The following BPIFB2 variants were observed in gnomAD, a reference collection of about 807,000 sequenced individuals.
The protein encoded by BPIFB2 is BPI fold-containing family B member 2.
BPIFB2 carries 39 observed loss-of-function variants against 50.1 expected under a neutral mutation model. The ratio of observed to expected loss-of-function variants is 0.78; its 90% CI spans 0.60 to 1.02. The LOEUF is 1.02. Among genes scored for constraint, BPIFB2 ranks in the 50% least tolerant of loss-of-function variants. The pLI is 0.00. For missense variants in BPIFB2, 574 were observed against 585.8 expected (o/e 0.98, Z 0.21); for synonymous variants, 280 against 256.3 (o/e 1.09, Z -0.88).
At position 33,021,468 on chromosome 20, in the gene BPIFB2, A is replaced by G. The variant is rs926391987; in HGVS notation, c.1258+124A>G. 10 of 1,139,296 alleles carry G rather than the reference A, an allele frequency of 8.8e-6. No individual in the cohort carries two copies. In the African/African-American group the frequency reaches 1.5e-4, roughly 18 times the overall value. 70.6% of individuals were successfully genotyped at this position (1,139,296 alleles called of 1,614,324 possible). ...TCACAGGGTGAGAGGGGGCCTCTGG[A>G]GTCTAGCAGCCCATGTGTGCATGCC... is the stretch of plus-strand genomic sequence containing the variant. On this transcript the variant is annotated intron_variant, in intron 14 of 15. Coordinates refer to ENST00000170150, the MANE Select transcript of BPIFB2 (RefSeq NM_025227.3).
At chr20:33,014,208 G>A (rs533602730) in intron 5 of BPIFB2, among the ~76,000 whole-genome samples, 33 of 152,258 alleles carry the variant, frequency 2.2e-4, no homozygotes, top group Non-Finnish European at 1.5e-4. Flanking sequence ...ATACACACTA[G>A]CTATTAGCAC....
chr20:33,018,448 A>G, intron 8 of BPIFB2, 98 bp downstream of exon 8: 1 of 1,336,632 alleles, frequency 7.5e-7, no homozygotes, highest in East Asian at 2.3e-5. Context: ...GTGGGAAAGG[A>G]GAGGAGGAGC....
At position 33,018,723 on chromosome 20, in the gene BPIFB2, C is replaced by T. The variant is rs1314202455; in HGVS notation, c.756C>T (p.Gly252=). Residue 252 remains glycine, a synonymous_variant, in exon 9 of 16, where the codon GGC becomes GGT. Transcript: ENST00000170150. ...FVLPRHVGTE[G]SMATVGLSQQ... ...TGCCAAGGCATGTGGGTACCGAGGGCTCCATGGCCACCGTGGGCCTCTCCC... is the reference window on the plus strand; with the variant it reads ...TGCCAAGGCATGTGGGTACCGAGGGTTCCATGGCCACCGTGGGCCTCTCCC... 1 of 1,614,234 alleles carries T rather than the reference C, an allele frequency of 6.2e-7. No individual in the cohort carries two copies. The highest frequency in any genetic ancestry group is 1.3e-5 in the African/African-American group (1 of 75,070).
Position 33,009,335 on chromosome 20 carries a change from A to T in BPIFB2, c.109+652A>T, listed in dbSNP as rs1157952830. On this transcript the variant is annotated intron_variant, in intron 2 of 15. Transcript: ENST00000170150. This position sits in a 1 kb window ranked among gnomAD's most constrained non-coding sequence, Gnocchi z 4.2. ...TAAGGAGGGCACAATGAAGAAACTTAGCCCCAGGGAGGGACAGACATTGCC... is the reference window on the plus strand; with the variant it reads ...TAAGGAGGGCACAATGAAGAAACTTTGCCCCAGGGAGGGACAGACATTGCC... Among the ~76,000 whole-genome samples, 3 of 152,186 alleles carry T rather than the reference A, an allele frequency of 2.0e-5. No individual in the cohort carries two copies. The highest frequency in any genetic ancestry group is 2.0e-4 in the Admixed American group (3 of 15,284).
intron 8 of BPIFB2, 103 bp from the exon 9 acceptor site, chr20:33,018,534 G>A: frequency 7.2e-7 from 1 of 1,387,494 alleles, no homozygotes; most frequent in East Asian, 2.3e-5. Flanking sequence ...TGCAGGGGCT[G>A]GGGGGCAGGG....
intron 1 of BPIFB2, 66 bp from the exon 2 acceptor site, chr20:33,008,475 T>G: frequency 1.1e-6 from 1 of 884,134 alleles, no homozygotes; most frequent in Non-Finnish European, 1.7e-6. Flanking sequence ...CAGGCTGGAG[T>G]GGGGTTCGGG....
intron 15 of BPIFB2, among the ~76,000 whole-genome samples, 174 bp downstream of exon 15, chr20:33,021,973 C>G (rs1978690195): frequency 1.3e-5 from 2 of 152,104 alleles, no homozygotes; most frequent in African/African-American, 4.8e-5. Context: ...AAGGTTTCAC[C>G]CTTCCTTTAG....
Position 33,012,998 on chromosome 20 carries a change from G to A in BPIFB2, c.308+91G>A, listed in dbSNP as rs1282572599. On this transcript the variant is annotated intron_variant, in intron 4 of 15. Coordinates refer to ENST00000170150, the MANE Select transcript of BPIFB2 (RefSeq NM_025227.3). ...GGACGGGGGGTAGCAACTCCTCCAGGGCCCTCATCCAGGCCTCTTGACTCT... is the reference window on the plus strand; with the variant it reads ...GGACGGGGGGTAGCAACTCCTCCAGAGCCCTCATCCAGGCCTCTTGACTCT... 7 of 1,059,790 alleles carry A rather than the reference G, an allele frequency of 6.6e-6. No individual in the cohort carries two copies. In the South Asian group the frequency reaches 6.8e-5, roughly 10 times the overall value. 65.6% of individuals were successfully genotyped at this position (1,059,790 alleles called of 1,614,324 possible). A position where few individuals can be genotyped will look rare whatever the true frequency, so the allele number is the denominator to read the frequency against.
At chr20:33,011,764 A>T (rs937255038) in intron 3 of BPIFB2, among the ~76,000 whole-genome samples, 5 of 152,330 alleles carry the variant, frequency 3.3e-5, no homozygotes, top group Middle Eastern at 3.4e-3. Flanking sequence ...GGATCACCTG[A>T]GATCAGGAGT....
At chr20:33,020,951 C>T (rs373226337) in intron 13 of BPIFB2, among the ~76,000 whole-genome samples, 14 of 152,206 alleles carry the variant, frequency 9.2e-5, no homozygotes, top group East Asian at 3.9e-4. Flanking sequence ...GTCTGTCTGT[C>T]GGTCATCTGC....
intron 15 of BPIFB2, 72 bp downstream of exon 15, chr20:33,021,871 T>C: frequency 7.0e-7 from 1 of 1,423,394 alleles, no homozygotes; most frequent in Non-Finnish European, 9.9e-7. Context: ...GGGTCACCTC[T>C]CTCCCTCCCC....
chr20:33,008,640 G>C lies in BPIFB2; in HGVS notation c.66G>C (p.Thr22=). The change falls in exon 2 of 16, where the codon ACG becomes ACC. Residue 22 remains threonine (T), a synonymous_variant. Coordinates refer to ENST00000170150, the MANE Select transcript of BPIFB2 (RefSeq NM_025227.3). ...ALLLPVVGAS[T]PGTVVRLNKA... Reference sequence around the variant, plus strand: ...TGCTGCCCGTGGTCGGTGCCTCCACGCCAGGCACCGTGGTCCGACTCAACA... The same window carrying C: ...TGCTGCCCGTGGTCGGTGCCTCCACCCCAGGCACCGTGGTCCGACTCAACA... 2 of 1,607,620 alleles carry C rather than the reference G, an allele frequency of 1.2e-6. No individual in the cohort carries two copies. Among genetic ancestry groups the C allele is most frequent in the Non-Finnish European group, 1.7e-6 (2 of 1,177,132 alleles).
intron 4 of BPIFB2, among the ~76,000 whole-genome samples, chr20:33,013,120 G>A (rs1311279893): frequency 6.6e-6 from 1 of 152,124 alleles, no homozygotes; most frequent in African/African-American, 2.4e-5. Flanking sequence ...ACTGGGCAGA[G>A]TCACTTGGCT....
intron 4 of BPIFB2, 110 bp downstream of exon 4, chr20:33,013,017 T>G: frequency 1.2e-6 from 1 of 828,606 alleles, no homozygotes; most frequent in Non-Finnish European, 2.0e-6. Context: ...CCAGGCCTCT[T>G]GACTCTCTGT....
At chr20:33,014,267 C>G (rs1156900163) in intron 5 of BPIFB2, among the ~76,000 whole-genome samples, 2 of 152,124 alleles carry the variant, frequency 1.3e-5, no homozygotes, top group African/African-American at 2.4e-5. Context: ...GTGAGGACCT[C>G]GGAGACCCAC....
chr20:33,012,701 C>T lies in BPIFB2; in HGVS notation c.204-102C>T, dbSNP rs1990304036. ...TCATGGTTCCAATTGTCAGAAAGCCCTTCTTTATAACATCGTGTGGGTATG... is the reference window on the plus strand; with the variant it reads ...TCATGGTTCCAATTGTCAGAAAGCCTTTCTTTATAACATCGTGTGGGTATG... On this transcript the variant is annotated intron_variant, in intron 3 of 15. Transcript: ENST00000170150. The T allele has an allele frequency of 1.2e-5, 11 of 907,594 alleles. No homozygotes were observed. The South Asian group carries it at 1.5e-4, about 13-fold the overall frequency. The allele number at this position is 907,594 out of a possible 1,614,324, so 56.2% of individuals were successfully genotyped here.
In BPIFB2 at chr20:33,011,012, C is replaced by T; in HGVS notation, c.110-12C>T. ...GAGGGCACCCTGACCTCACTCTACC[C>T]TGGCCCCACAGTGTCTGAAATTGGG... On this transcript the variant is annotated splice_polypyrimidine_tract_variant and intron_variant, in intron 2 of 15. Coordinates refer to ENST00000170150, the MANE Select transcript of BPIFB2 (RefSeq NM_025227.3). 6.2e-7 allele frequency: 1 copy of T among 1,612,846 alleles called. No individual in the cohort carries two copies. Among genetic ancestry groups the T allele is most frequent in the Non-Finnish European group, 8.5e-7 (1 of 1,178,962 alleles).
chr20:33,011,157 C>A, intron 3 of BPIFB2, 40 bp downstream of exon 3: 1 of 1,581,872 alleles, frequency 6.3e-7, no homozygotes, highest in Non-Finnish European at 8.7e-7. Context: ...CTCCTGCCAC[C>A]AAGTGGAGTG....
chr20:33,017,117 C>A lies in BPIFB2; in HGVS notation c.577+15C>A. On this transcript the variant is annotated intron_variant, in intron 7 of 15. Transcript: ENST00000170150. ...CACCTTAATTGGTAAGATCTGGGAGCCAGGGGAGGGGGCTGGGGCCTCTGG... is the reference window on the plus strand; with the variant it reads ...CACCTTAATTGGTAAGATCTGGGAGACAGGGGAGGGGGCTGGGGCCTCTGG... 2 of 1,612,770 alleles carry A rather than the reference C, an allele frequency of 1.2e-6. No homozygotes were observed. Among genetic ancestry groups the A allele is most frequent in the Non-Finnish European group, 1.7e-6 (2 of 1,179,410 alleles).
Sources: gnomAD v4.1 joint callset for allele counts (sites outside exome capture counted in the v4.1 genomes callset) on GRCh38, gnomAD v4.1.1 for gene constraint, Gnocchi (gnomAD v3.1) non-coding constraint, MANE v1.5 for transcripts, NCBI Gene and HGNC (gene_info 2026-07-23, HGNC 2026-07-21) for gene names.